FRMD4B: variants seen among roughly 807,000 people sequenced by gnomAD.
FRMD4B encodes the protein FERM domain-containing protein 4B.
A neutral mutation model predicts 141.5 loss-of-function variants in FRMD4B; 74 were observed. That is an observed-to-expected ratio of 0.52 (90% CI 0.43 to 0.63). The LOEUF is 0.63. Among genes scored for constraint, FRMD4B ranks in the 30% least tolerant of loss-of-function variants. The pLI is 0.00. For missense variants in FRMD4B, 1,366 were observed against 1,253.4 expected, an observed-to-expected ratio of 1.09 and a Z score of -1.36; for synonymous variants, 506 against 467.9, an observed-to-expected ratio of 1.08 and a Z score of -1.05.
At chr3:69,429,038 C>T (rs1286454590) in intron 2 of FRMD4B, among the ~76,000 whole-genome samples, 1 of 152,158 alleles carries the variant, frequency 6.6e-6, no homozygotes, top group African/African-American at 2.4e-5. Flanking sequence ...ATAATACACA[C>T]CATTTTGGCA....
chr3:69,493,140 G>A (rs938794166), intron 1 of FRMD4B, among the ~76,000 whole-genome samples: 1 of 152,186 alleles, frequency 6.6e-6, no homozygotes. Flanking sequence ...ACACTCACAT[G>A]CATGACTTTT....
upstream of FRMD4B, among the ~76,000 whole-genome samples, chr3:69,388,152 G>A (rs1477447175): frequency 1.3e-5 from 2 of 151,804 alleles, no homozygotes; most frequent in African/African-American, 4.8e-5. Context: ...GGGAATACCA[G>A]AATAAAACCT....
At chr3:69,477,476 CT>C (rs1706023118) in intron 1 of FRMD4B, among the ~76,000 whole-genome samples, 1 of 151,422 alleles carries the variant, frequency 6.6e-6, no homozygotes, top group African/African-American at 2.4e-5. Context: ...TGGTTTTTGT[CT>C]TTGGTTCTGT....
At chr3:69,368,639 G>C (rs1703736281) in intron 1 of FRMD4B, among the ~76,000 whole-genome samples, 1 of 152,080 alleles carries the variant, frequency 6.6e-6, no homozygotes, top group Non-Finnish European at 1.5e-5. Flanking sequence ...GTAGCCCATG[G>C]CATACTCCCA....
At chr3:69,513,924 A>G (rs1029624423) in intron 1 of FRMD4B, among the ~76,000 whole-genome samples, 2 of 152,306 alleles carry the variant, frequency 1.3e-5, no homozygotes, top group Non-Finnish European at 2.9e-5. Context: ...TTAAGGCCAT[A>G]TATGAAAAAT....
At chr3:69,364,320 CAG>C (rs999449102) in intron 1 of FRMD4B, among the ~76,000 whole-genome samples, 11 of 152,230 alleles carry the variant, frequency 7.2e-5, no homozygotes, top group African/African-American at 2.4e-4. Flanking sequence ...AGGGGACAGA[CAG>C]AGGACAAGCT....
intron 4 of FRMD4B, among the ~76,000 whole-genome samples, chr3:69,300,889 C>T (rs2107158774): frequency 6.6e-6 from 1 of 152,268 alleles, no homozygotes; most frequent in African/African-American, 2.4e-5. Context: ...ATGCCCACCA[C>T]CAAGCCTGGC....
At chr3:69,329,154 C>T (rs1166776052) in intron 1 of FRMD4B, among the ~76,000 whole-genome samples, 2 of 151,956 alleles carry the variant, frequency 1.3e-5, no homozygotes, top group Admixed American at 1.3e-4. Flanking sequence ...CGTTGAGAGA[C>T]CACGTGATAA....
At chr3:69,189,415 T>C in intron 18 of FRMD4B, among the ~76,000 whole-genome samples, 1 of 152,124 alleles carries the variant, frequency 6.6e-6, no homozygotes, top group East Asian at 1.9e-4. Context: ...TTTCACATTG[T>C]AAAACATACA....
chr3:69,424,365 C>T lies in FRMD4B; in HGVS notation c.-1+8269G>A, dbSNP rs186213628. 5.9e-5 allele frequency among the ~76,000 whole-genome samples: 9 copies of T among 152,292 alleles called. No individual in the cohort carries two copies. In the East Asian group the frequency reaches 1.5e-3, roughly 26 times the overall value. On this transcript the variant is annotated intron_variant, in intron 2 of 5. Coordinates refer to the FRMD4B transcript ENST00000459638. Reference sequence around the variant, plus strand: ...CTGGAGTGCAGTGGTGTGATCATGGCTCACTGCAGCATCGAACTCCTGGAC... The same window carrying T: ...CTGGAGTGCAGTGGTGTGATCATGGTTCACTGCAGCATCGAACTCCTGGAC...
intron 1 of FRMD4B, among the ~76,000 whole-genome samples, chr3:69,491,308 T>C (rs1477979916): frequency 6.6e-6 from 1 of 152,010 alleles, no homozygotes; most frequent in Non-Finnish European, 1.5e-5. Flanking sequence ...TATAGCTGAC[T>C]CTATGAGAAG....
At chr3:69,380,503 GAT>G (rs1704087967) in intron 1 of FRMD4B, among the ~76,000 whole-genome samples, 3 of 152,316 alleles carry the variant, frequency 2.0e-5, no homozygotes, top group South Asian at 4.1e-4. Flanking sequence ...AGTGCTAAGT[GAT>G]ATATATGTTC....
Position 69,171,700 on chromosome 3 carries a change from GGT to G in FRMD4B, c.*159_*160del. The G allele has an allele frequency of 1.5e-6, 1 of 674,562 alleles. No individual in the cohort carries two copies. Among genetic ancestry groups the G allele is most frequent in the South Asian group, 1.8e-5 (1 of 54,886 alleles). 41.8% of individuals were successfully genotyped at this position (674,562 alleles called of 1,614,324 possible). On this transcript the variant is annotated 3_prime_UTR_variant, in exon 23 of 23. Transcript: ENST00000398540. ...CTCCTTTAGGGGCTTTGTGGGGCTT[GGT>G]GTGTGATTCACTGATTCACTTCCAG...
In FRMD4B at chr3:69,323,380, A is replaced by G. The variant is rs146506399; in HGVS notation, c.163-9863T>C. Among the ~76,000 whole-genome samples, 240 of 151,938 alleles carry G rather than the reference A, an allele frequency of 1.6e-3. 1 individual carries two copies. The highest frequency in any genetic ancestry group is 5.6e-3 in the African/African-American group (233 of 41,460). On this transcript the variant is annotated intron_variant, in intron 1 of 22. Transcript: ENST00000398540. ...TCAGGAATTTGAGACCAGCCTGGCCAATATGGTGAAACCCCCTCTCTACTA... is the reference window on the plus strand; with the variant it reads ...TCAGGAATTTGAGACCAGCCTGGCCGATATGGTGAAACCCCCTCTCTACTA...
intron 1 of FRMD4B, among the ~76,000 whole-genome samples, chr3:69,514,479 C>T (rs1033017401): frequency 1.3e-5 from 2 of 151,998 alleles, no homozygotes; most frequent in Non-Finnish European, 2.9e-5. Context: ...CACTTGAGGT[C>T]AAGATTTCAA....
intron 1 of FRMD4B, among the ~76,000 whole-genome samples, chr3:69,464,077 C>T (rs574784819): frequency 1.8e-4 from 28 of 152,342 alleles, no homozygotes; most frequent in African/African-American, 6.5e-4. Flanking sequence ...CCCATTCAAA[C>T]ATATTTATGG....
intron 4 of FRMD4B, among the ~76,000 whole-genome samples, chr3:69,291,627 C>T (rs1230053432): frequency 1.3e-5 from 2 of 152,190 alleles, no homozygotes; most frequent in Non-Finnish European, 2.9e-5. Context: ...CAGTCAGCTT[C>T]TCACCCTGGA....
chr3:69,175,804 G>A (rs760806412), intron 22 of FRMD4B, among the ~76,000 whole-genome samples: 8 of 121,258 alleles, frequency 6.6e-5, no homozygotes, highest in Non-Finnish European at 1.1e-4. Context: ...AGACGGAGAT[G>A]GAGTCTCGCT....
chr3:69,191,435 AAAAC>A (rs1285756643), intron 17 of FRMD4B, among the ~76,000 whole-genome samples: 1 of 151,444 alleles, frequency 6.6e-6, no homozygotes, highest in Non-Finnish European at 1.5e-5. Flanking sequence ...AAAAAAACAA[AAAAC>A]AAACAAAAAA....
Sources: allele counts gnomAD v4.1 joint callset (sites outside exome capture counted in the v4.1 genomes callset), GRCh38; gene constraint gnomAD v4.1.1; transcripts MANE v1.5; gene names NCBI Gene and HGNC (gene_info 2026-07-23, HGNC 2026-07-21).